The following KAZN variants were observed in gnomAD, a reference collection of about 807,000 sequenced individuals.
KAZN encodes the protein kazrin.
Under a neutral mutation model 87.4 loss-of-function variants are expected in KAZN, and 40 were observed. The observed-to-expected ratio is 0.46, with a 90% CI of 0.36 to 0.60. KAZN has a LOEUF of 0.60. KAZN is among the 20% of genes least tolerant of loss of function. KAZN has a pLI of 0.00. For synonymous variants in KAZN, 466 were observed against 458.3 expected (o/e 1.02, Z -0.22); for missense variants, 898 against 1,073.9 (o/e 0.84, Z 2.29).
At chr1:14,239,383 A>G (rs1001603804) in intron 2 of KAZN, among the ~76,000 whole-genome samples, 3 of 151,936 alleles carry the variant, frequency 2.0e-5, no homozygotes, top group African/African-American at 7.3e-5. Flanking sequence ...CCTGAAATCT[A>G]AAGAGGAAAC....
intron 2 of KAZN, among the ~76,000 whole-genome samples, chr1:14,461,273 C>A (rs954847577): frequency 6.6e-6 from 1 of 152,124 alleles, no homozygotes; most frequent in Non-Finnish European, 1.5e-5. Flanking sequence ...TGAATTATAG[C>A]TCCCATAATT....
In KAZN at chr1:14,106,730, G is replaced by A. The variant is rs1227973151; in HGVS notation, c.92-73705G>A. 4.6e-5 allele frequency among the ~76,000 whole-genome samples: 7 copies of A among 152,132 alleles called. No homozygotes were observed. The South Asian group carries it at 6.2e-4, about 13-fold the overall frequency. On this transcript the variant is annotated intron_variant, in intron 1 of 16. Coordinates refer to the KAZN transcript ENST00000636203. ...TTAAGTAGTAGATTAGCCCAAACGCGTCTCTATTCAGTGGCATCCCAGAAG... is the reference window on the plus strand; with the variant it reads ...TTAAGTAGTAGATTAGCCCAAACGCATCTCTATTCAGTGGCATCCCAGAAG...
At chr1:14,058,129 C>G (rs781666754) in intron 1 of KAZN, among the ~76,000 whole-genome samples, 1 of 152,168 alleles carries the variant, frequency 6.6e-6, no homozygotes, top group African/African-American at 2.4e-5. Context: ...TATGCCCCAC[C>G]TGTGTCTTAG....
intron 1 of KAZN, among the ~76,000 whole-genome samples, chr1:14,046,655 G>C (rs1200345601): frequency 1.3e-5 from 2 of 152,190 alleles, no homozygotes; most frequent in Non-Finnish European, 2.9e-5. Flanking sequence ...ACCCTGAATG[G>C]TGGGGGTTTA....
chr1:14,544,350 C>CTTTTTTTTTTTTTTTTTTTTTTTCT (rs374148415), intron 2 of KAZN, among the ~76,000 whole-genome samples: 1 of 98,120 alleles, frequency 1.0e-5, no homozygotes, highest in Non-Finnish European at 1.9e-5. Context: ...TTCTTTCTTT[C>CTTTTTTTTTTTTTTTTTTTTTTTCT]TTTTTTTTTT....
chr1:14,541,750 ATC>A (rs1237112626), intron 2 of KAZN, among the ~76,000 whole-genome samples: 1 of 152,166 alleles, frequency 6.6e-6, no homozygotes, highest in Non-Finnish European at 1.5e-5. Context: ...ATGGGTTCTA[ATC>A]TCTCTTCATC....
chr1:14,415,051 A>G (rs1009742539), intron 2 of KAZN, among the ~76,000 whole-genome samples: 1 of 152,106 alleles, frequency 6.6e-6, no homozygotes, highest in African/African-American at 2.4e-5. Flanking sequence ...GTACGTACAT[A>G]CATACAAAAA....
chr1:14,771,483 C>T (rs1255468078), intron 1 of KAZN, among the ~76,000 whole-genome samples: 1 of 152,112 alleles, frequency 6.6e-6, no homozygotes, highest in Non-Finnish European at 1.5e-5. Context: ...TCTCATCTTG[C>T]ACTTGGCATT....
chr1:14,178,347 C>T (rs929978440), intron 1 of KAZN, among the ~76,000 whole-genome samples: 14 of 152,180 alleles, frequency 9.2e-5, no homozygotes, highest in South Asian at 2.1e-4. Flanking sequence ...CCTCTGCCAA[C>T]GAGACTCCAA....
At chr1:14,570,555 A>G (rs908417998) in intron 2 of KAZN, among the ~76,000 whole-genome samples, 4 of 152,218 alleles carry the variant, frequency 2.6e-5, no homozygotes, top group African/African-American at 9.6e-5. Context: ...CTGTTGTAGC[A>G]TTCACTAGTA....
chr1:15,071,314 C>T (rs974114676), intron 8 of KAZN, among the ~76,000 whole-genome samples: 3 of 151,970 alleles, frequency 2.0e-5, no homozygotes, highest in Admixed American at 6.5e-5. Context: ...TGCAGTGGCG[C>T]GATCTCGGCT....
At chr1:14,197,993 C>G (rs576747413) in intron 2 of KAZN, among the ~76,000 whole-genome samples, 2 of 141,538 alleles carry the variant, frequency 1.4e-5, no homozygotes, top group Non-Finnish European at 3.0e-5. Flanking sequence ...ACAGGACCAC[C>G]GGGTTCCACT....
chr1:14,715,972 T>C (rs1642773458), intron 1 of KAZN, among the ~76,000 whole-genome samples: 1 of 152,182 alleles, frequency 6.6e-6, no homozygotes, highest in Non-Finnish European at 1.5e-5. Context: ...ACTGAAGGTC[T>C]TTAATCAACT....
chr1:14,862,498 G>A (rs970405191), intron 1 of KAZN, among the ~76,000 whole-genome samples: 11 of 152,132 alleles, frequency 7.2e-5, no homozygotes, highest in Non-Finnish European at 1.6e-4. Context: ...TTTTGCCAGT[G>A]GTGACTTTCA....
At chr1:14,335,532 T>G (rs1017700250) in intron 2 of KAZN, among the ~76,000 whole-genome samples, 2 of 151,894 alleles carry the variant, frequency 1.3e-5, no homozygotes, top group African/African-American at 4.8e-5. Context: ...TCTTTTGACC[T>G]CTCTCTGGCT....
intron 2 of KAZN, among the ~76,000 whole-genome samples, chr1:14,410,980 G>A (rs549917700): frequency 3.9e-5 from 6 of 152,310 alleles, no homozygotes; most frequent in African/African-American, 1.4e-4. Flanking sequence ...CAAGTTTCTG[G>A]TGATTTGTTT....
At chr1:14,072,793 G>A (rs992453484) in intron 1 of KAZN, among the ~76,000 whole-genome samples, 1 of 152,078 alleles carries the variant, frequency 6.6e-6, no homozygotes, top group Non-Finnish European at 1.5e-5. Flanking sequence ...TCCCTCCTGC[G>A]ATGTGTAAGG....
intron 1 of KAZN, among the ~76,000 whole-genome samples, chr1:14,076,745 C>T (rs1400436201): frequency 6.6e-6 from 1 of 152,134 alleles, no homozygotes; most frequent in Non-Finnish European, 1.5e-5. Flanking sequence ...GACTGAGAGG[C>T]CTGCAAAGCC....
At chr1:14,822,452 T>C (rs1469208363) in intron 1 of KAZN, among the ~76,000 whole-genome samples, 1 of 152,182 alleles carries the variant, frequency 6.6e-6, no homozygotes, top group African/African-American at 2.4e-5. Context: ...AAGGAGGATT[T>C]CTTGGGAAGA....
Sources: gnomAD v4.1 joint callset for allele counts (sites outside exome capture counted in the v4.1 genomes callset) on GRCh38, gnomAD v4.1.1 for gene constraint, MANE v1.5 for transcripts, NCBI Gene and HGNC (gene_info 2026-07-23, HGNC 2026-07-21) for gene names.